The following NAV1 variants were observed in gnomAD, a reference collection of about 807,000 sequenced individuals.
NAV1 encodes neuron navigator 1, also known as pore membrane and/or filament interacting like protein 3.
Under a neutral mutation model 175.2 loss-of-function variants are expected in NAV1, and 18 were observed. The ratio of observed to expected loss-of-function variants is 0.10; its 90% CI spans 0.07 to 0.15. NAV1 has a LOEUF of 0.15. Ranked by LOEUF, NAV1 falls within the 10% of genes least tolerant of loss-of-function variation. NAV1 has a pLI of 1.00. For synonymous variants in NAV1, 897 were observed against 978.7 expected (o/e 0.92, Z 1.56); for missense variants, 1,731 against 2,436.6 (o/e 0.71, Z 6.10).
In NAV1 at chr1:201,782,968, G is replaced by T; in HGVS notation, c.2357+99G>T. The T allele has an allele frequency of 9.8e-7, 1 of 1,020,810 alleles. No homozygotes were observed. 63.2% of individuals were successfully genotyped at this position (1,020,810 alleles called of 1,614,324 possible). On this transcript the variant is annotated intron_variant, in intron 6 of 29. Transcript: ENST00000367296. The surrounding 1 kb of genome is among the most constrained non-coding windows in gnomAD (Gnocchi z 5.4). ...CTAGATGAGGCATGGCCTATCCACC[G>T]TTGTCTCTAGGCCTTTGCATGGCTC... is the stretch of plus-strand genomic sequence containing the variant.
At chr1:201,613,497 T>C (rs1399346540) in intron 2 of NAV1, among the ~76,000 whole-genome samples, 1 of 152,234 alleles carries the variant, frequency 6.6e-6, no homozygotes, top group Non-Finnish European at 1.5e-5. Flanking sequence ...TGACTTGACT[T>C]AATGATAACT....
chr1:201,639,313 C>T (rs569076171), intron 2 of NAV1, among the ~76,000 whole-genome samples: 1 of 152,170 alleles, frequency 6.6e-6, no homozygotes, highest in African/African-American at 2.4e-5. Flanking sequence ...TCCTGGGAAG[C>T]CAGCGAGGTC....
At position 201,782,118 on chromosome 1, in the gene NAV1, T is replaced by C; in HGVS notation, c.1664-58T>C. On this transcript the variant is annotated intron_variant, in intron 5 of 29. Coordinates refer to ENST00000367296, the Ensembl canonical transcript of NAV1. The surrounding 1 kb of genome is among the most constrained non-coding windows in gnomAD (Gnocchi z 5.4). ...TCTCCCATGGAGGGAAAGAAAAGGG[T>C]GGGTTTTTAAGATACTGGTCAGTTT... is the stretch of plus-strand genomic sequence containing the variant. 1.4e-6 allele frequency: 2 copies of C among 1,430,294 alleles called. No homozygotes were observed. Among genetic ancestry groups the C allele is most frequent in the Non-Finnish European group, 1.9e-6 (2 of 1,058,870 alleles). The allele number at this position is 1,430,294 out of a possible 1,614,324, so 88.6% of individuals were successfully genotyped here.
intron 4 of NAV1, among the ~76,000 whole-genome samples, 186 bp downstream of exon 8, chr1:201,780,745 A>T (rs955334827): frequency 6.6e-6 from 1 of 151,520 alleles, no homozygotes; most frequent in African/African-American, 2.4e-5. Flanking sequence ...CTCACCCAAG[A>T]CATTAGATGT....
chr1:201,648,131 G>C (rs1307901247), upstream of NAV1: 5 of 507,364 alleles, frequency 9.9e-6, no homozygotes, highest in Non-Finnish European at 1.2e-5. Context: ...CCCTCCTCCT[G>C]TTTGCTCCCC....
Position 201,794,690 on chromosome 1 carries a change from T to C in NAV1, c.3517+113T>C, listed in dbSNP as rs1677329330. On this transcript the variant is annotated intron_variant, in intron 15 of 29. Transcript: ENST00000367296. ...AGTCCTATATCAAGTCTCTAGAAGG[T>C]GAGGGCCTTTAGATACCCTTTAGTG... 8.4e-6 allele frequency: 8 copies of C among 955,208 alleles called. No homozygotes were observed. In the Middle Eastern group the frequency reaches 6.7e-4, roughly 80 times the overall value. 59.2% of individuals were successfully genotyped at this position (955,208 alleles called of 1,614,324 possible). A position where few individuals can be genotyped will look rare whatever the true frequency, so the allele number is the denominator to read the frequency against.
At chr1:201,674,988 G>A (rs900789498) in intron 1 of NAV1, among the ~76,000 whole-genome samples, 4 of 151,258 alleles carry the variant, frequency 2.6e-5, no homozygotes, top group African/African-American at 7.3e-5. Context: ...TGCAGTGAGC[G>A]GAGATCGCGT....
At chr1:201,703,307 C>T (rs1261031835) in intron 1 of NAV1, among the ~76,000 whole-genome samples, 1 of 152,230 alleles carries the variant, frequency 6.6e-6, no homozygotes, top group East Asian at 1.9e-4. Flanking sequence ...GACAGGCAGG[C>T]CACCTTCTGC....
At chr1:201,676,605 G>T (rs1268099225) in intron 1 of NAV1, among the ~76,000 whole-genome samples, 2 of 152,112 alleles carry the variant, frequency 1.3e-5, no homozygotes, top group African/African-American at 4.8e-5. Context: ...GGGGTTCCCG[G>T]TAGCTCCTCC....
chr1:201,543,634 C>G lies in NAV1; in HGVS notation c.-144+4292C>G, dbSNP rs550722379. 3.9e-5 allele frequency among the ~76,000 whole-genome samples: 6 copies of G among 152,026 alleles called. No homozygotes were observed. The East Asian group carries it at 1.2e-3, about 29-fold the overall frequency. ...TATACTTTTCATTATAATTAGTGTA[C>G]TTTAAACATCTAACAATTATATTGT... On this transcript the variant is annotated intron_variant, in intron 1 of 33. Coordinates refer to the NAV1 transcript ENST00000685211.
intron 2 of NAV1, among the ~76,000 whole-genome samples, chr1:201,633,202 C>A (rs963296109): frequency 6.6e-6 from 1 of 152,210 alleles, no homozygotes; most frequent in Admixed American, 6.5e-5. Flanking sequence ...AGGACCACTG[C>A]TTTCTGACTC....
At chr1:201,605,163 C>T (rs1212724270) in intron 2 of NAV1, among the ~76,000 whole-genome samples, 1 of 144,518 alleles carries the variant, frequency 6.9e-6, no homozygotes, top group Non-Finnish European at 1.5e-5. Context: ...CTGATCCTGT[C>T]TTCTGCTTCT....
Position 201,786,597 on chromosome 1 carries a change from C to T in NAV1, c.2995+20C>T, listed in dbSNP as rs968616291. On this transcript the variant is annotated intron_variant, in intron 9 of 29. Coordinates refer to ENST00000367296, the Ensembl canonical transcript of NAV1. The stretch of plus-strand genomic sequence containing the variant: ...ACATAGGTTAGTGTTTTCAGTCACT[C>T]ACTGTGGCATGGGGTGAAGCAGGGG... 1 of 1,607,844 alleles carries T rather than the reference C, an allele frequency of 6.2e-7. No homozygotes were observed. The highest frequency in any genetic ancestry group is 1.3e-5 in the African/African-American group (1 of 74,966).
exon 30 of NAV1, chr1:201,823,370 G>GTATA (rs4025038): frequency 2.0e-5 from 3 of 151,768 alleles, no homozygotes; most frequent in Admixed American, 2.0e-4. Context: ...CTGCGTGTGT[G>GTATA]TGTGTGTGTG....
intron 1 of NAV1, among the ~76,000 whole-genome samples, chr1:201,702,725 T>A (rs1392601788): frequency 5.1e-5 from 7 of 136,940 alleles, no homozygotes; most frequent in African/African-American, 1.8e-4. Context: ...TCTCTCTCTC[T>A]CTCTCTCCCC....
chr1:201,663,902 G>T (rs1306140407), intron 1 of NAV1, among the ~76,000 whole-genome samples: 1 of 152,158 alleles, frequency 6.6e-6, no homozygotes, highest in Non-Finnish European at 1.5e-5. Context: ...GCAGGGGGTG[G>T]ATTCCTGCCA....
Position 201,588,542 on chromosome 1 carries a change from CAG to C in NAV1, c.-137_-136del, listed in dbSNP as rs1667100049. Among the ~76,000 whole-genome samples the C allele has an allele frequency of 1.4e-5, 2 of 142,834 alleles. No individual in the cohort carries two copies. The highest frequency in any genetic ancestry group is 5.3e-5 in the African/African-American group (2 of 37,896). The allele number at this position is 142,834 out of a possible 152,430, so 93.7% of individuals were successfully genotyped here. ...AATTTTTTTTTTTTTTTTGTAGAGA[CAG>C]AGTCTTGCTATGTTGCCCGGGCTGG... is the stretch of plus-strand genomic sequence containing the variant. On this transcript the variant is annotated 5_prime_UTR_variant, in exon 2 of 34. It removes the in-frame stop codon of an upstream open reading frame in the 5' UTR. Transcript: ENST00000685211.
intron 2 of NAV1, among the ~76,000 whole-genome samples, chr1:201,617,044 T>C (rs1337952570): frequency 2.6e-5 from 4 of 152,158 alleles, no homozygotes; most frequent in Non-Finnish European, 5.9e-5. Flanking sequence ...GTGTAATTTA[T>C]TGAGGACTGG....
chr1:201,642,196 T>TTCCGTC, intron 2 of NAV1, among the ~76,000 whole-genome samples: 1 of 128,610 alleles, frequency 7.8e-6, no homozygotes, highest in Non-Finnish European at 1.6e-5. Flanking sequence ...TTCCCTCCTT[T>TTCCGTC]CTTCCTTTCT....
Sources: gnomAD v4.1 joint callset for allele counts (sites outside exome capture counted in the v4.1 genomes callset) on GRCh38, gnomAD v4.1.1 for gene constraint, Gnocchi (gnomAD v3.1) non-coding constraint, MANE v1.5 for transcripts, NCBI Gene and HGNC (gene_info 2026-07-23, HGNC 2026-07-21) for gene names.